Variants in SCGB2B2 observed in about 807,000 individuals in gnomAD.
SCGB2B2 encodes secretoglobin family 2B member 2.
Under a neutral mutation model 7.6 loss-of-function variants are expected in SCGB2B2, and 11 were observed. The observed-to-expected ratio is 1.45, with a 90% CI of 0.91 to 2.40. The LOEUF is 2.40. Ranked by LOEUF, SCGB2B2 falls within the 30% of genes most tolerant of loss-of-function variation. SCGB2B2 has a pLI of 0.00. For synonymous variants in SCGB2B2, 50 were observed against 48.6 expected, an observed-to-expected ratio of 1.03 and a Z score of -0.12; for missense variants, 104 against 115.4, an observed-to-expected ratio of 0.90 and a Z score of 0.45.
intron 1 of SCGB2B2, among the ~76,000 whole-genome samples, chr19:34,597,408 AG>A (rs1320848056): frequency 6.6e-6 from 1 of 151,806 alleles, no homozygotes; most frequent in African/African-American, 2.4e-5. Flanking sequence ...GCTGGAGGCC[AG>A]GGAAGTCACC....
rs554419625 is a variant in SCGB2B2 at position 34,607,024 on chromosome 19, A to G, written c.-2031-10430T>C. ...AGCTGAAACTCTGTACCCTTTGACC[A>G]ACAACTTCTCACTCATTCATCCCCC... On this transcript the variant is annotated intron_variant, in intron 1 of 3. Transcript: ENST00000601241. Among the ~76,000 whole-genome samples, 11 of 152,270 alleles carry G rather than the reference A, an allele frequency of 7.2e-5. No homozygotes were observed. The South Asian group carries it at 2.3e-3, about 32-fold the overall frequency.
At chr19:34,653,157 C>T (rs1387909655) in intron 1 of SCGB2B2, among the ~76,000 whole-genome samples, 1 of 151,150 alleles carries the variant, frequency 6.6e-6, no homozygotes, top group Non-Finnish European at 1.5e-5. Context: ...AAAAAAGCTG[C>T]TCTCATAGAA....
Position 34,594,339 on chromosome 19 carries a change from CG to C in SCGB2B2, c.81del (p.Ile27MetfsTer17), listed in dbSNP as rs2065382748. The C allele has an allele frequency of 5.0e-6, 8 of 1,613,912 alleles. No individual in the cohort carries two copies. Among genetic ancestry groups the C allele is most frequent in the African/African-American group, 1.3e-5 (1 of 74,912 alleles). On this transcript the variant is annotated frameshift_variant, in exon 3 of 4. Coordinates refer to ENST00000601241, the MANE Select transcript of SCGB2B2 (RefSeq NM_001025591.4). LOFTEE classifies it high-confidence loss of function. ...SVQLGDACLD[I>X]DKLLANVVFD... ...AACACAACATTCGCAAGCAGTTTAT[CG>C]ATATCCAGGCAGGCATCCCCTGTGG...
intron 1 of SCGB2B2, among the ~76,000 whole-genome samples, chr19:34,617,997 A>G (rs1190550731): frequency 6.6e-6 from 1 of 152,238 alleles, no homozygotes; most frequent in Non-Finnish European, 1.5e-5. Context: ...CGGCTCGTGC[A>G]CGGTGCGTGC....
rs558233493 is a variant in SCGB2B2, at chr19:34,591,611, G to T, written c.*1944C>A. Among the ~76,000 whole-genome samples, 1 of 152,314 alleles carries T rather than the reference G, an allele frequency of 6.6e-6. No individual in the cohort carries two copies. The highest frequency in any genetic ancestry group is 6.5e-5 in the Admixed American group (1 of 15,302). On this transcript the variant is annotated 3_prime_UTR_variant, in exon 4 of 4. Coordinates refer to ENST00000601241, the MANE Select transcript of SCGB2B2 (RefSeq NM_001025591.4). ...TTTCTGCAAGGTCCTGCGTGACCTG[G>T]CACTTGCCTCGTTTTCTGACGTGAC...
At chr19:34,603,234 T>G (rs1283691380) in intron 1 of SCGB2B2, among the ~76,000 whole-genome samples, 1 of 152,136 alleles carries the variant, frequency 6.6e-6, no homozygotes, top group African/African-American at 2.4e-5. Flanking sequence ...GTGAGAGATG[T>G]CCAGCAGCAG....
intron 1 of SCGB2B2, among the ~76,000 whole-genome samples, chr19:34,643,408 A>G (rs1176465279): frequency 6.6e-6 from 1 of 152,210 alleles, no homozygotes; most frequent in Non-Finnish European, 1.5e-5. Context: ...TAGACACTAC[A>G]GGCTGGGAAG....
chr19:34,632,400 C>G (rs28838630), intron 1 of SCGB2B2, among the ~76,000 whole-genome samples: 16 of 152,012 alleles, frequency 1.1e-4, no homozygotes, highest in African/African-American at 3.1e-4. Flanking sequence ...TATTAAGAAC[C>G]CTCAAAACTC....
Position 34,592,384 on chromosome 19 carries a change from G to A in SCGB2B2, c.*1171C>T, listed in dbSNP as rs2065319289. On this transcript the variant is annotated 3_prime_UTR_variant, in exon 4 of 4. Transcript: ENST00000601241. ...ATCCAGGCTGGTATTCCCATGGAAG[G>A]GGAGTGAGGCTGGAGGCAGGGAGAC... Among the ~76,000 whole-genome samples the A allele has an allele frequency of 3.3e-5, 5 of 150,118 alleles. No individual in the cohort carries two copies. The highest frequency in any genetic ancestry group is 2.0e-4 in the Admixed American group (3 of 14,862).
At chr19:34,649,813 T>C (rs2067117638) in intron 1 of SCGB2B2, among the ~76,000 whole-genome samples, 1 of 148,950 alleles carries the variant, frequency 6.7e-6, no homozygotes, top group African/African-American at 2.6e-5. Context: ...CTGATGCCCT[T>C]GGGACCTGAT....
intron 1 of SCGB2B2, among the ~76,000 whole-genome samples, chr19:34,668,009 T>C (rs796352556): frequency 6.6e-5 from 10 of 152,308 alleles, no homozygotes; most frequent in African/African-American, 2.4e-4. Context: ...CCCACATATG[T>C]AGTGAGAGGT....
intron 1 of SCGB2B2, among the ~76,000 whole-genome samples, chr19:34,636,287 G>A (rs537310907): frequency 1.4e-3 from 219 of 152,318 alleles, no homozygotes; most frequent in African/African-American, 5.0e-3. Context: ...CTCTTGGGGG[G>A]CTACGGGGGT....
intron 1 of SCGB2B2, among the ~76,000 whole-genome samples, chr19:34,620,203 A>G (rs1257175656): frequency 1.3e-5 from 2 of 151,974 alleles, no homozygotes; most frequent in Non-Finnish European, 2.9e-5. Context: ...ATTATAAATC[A>G]CTTTACTATA....
At chr19:34,658,877 C>A (rs1000217505) in intron 1 of SCGB2B2, among the ~76,000 whole-genome samples, 2 of 149,894 alleles carry the variant, frequency 1.3e-5, no homozygotes, top group Non-Finnish European at 3.0e-5. Flanking sequence ...AACATCCATG[C>A]GAAAATCCTC....
At chr19:34,602,358 G>A (rs1353524141) in intron 1 of SCGB2B2, among the ~76,000 whole-genome samples, 1 of 152,020 alleles carries the variant, frequency 6.6e-6, no homozygotes, top group African/African-American at 2.4e-5. Context: ...ATATTGTGTG[G>A]AACATTTTGT....
intron 1 of SCGB2B2, among the ~76,000 whole-genome samples, chr19:34,625,334 G>A (rs777376235): frequency 2.0e-5 from 3 of 152,194 alleles, no homozygotes; most frequent in African/African-American, 4.8e-5. Context: ...CATCTCATCC[G>A]GGAAGCACAA....
chr19:34,656,383 C>A (rs2067284266), intron 1 of SCGB2B2, among the ~76,000 whole-genome samples: 1 of 151,272 alleles, frequency 6.6e-6, no homozygotes, highest in Admixed American at 6.6e-5. Context: ...GTGGGCAGAT[C>A]ACTTGAGCCA....
rs1354417638 is a variant in SCGB2B2 at position 34,653,647 on chromosome 19, TAAAAG to T, written c.-2032+21978_-2032+21982del. Among the ~76,000 whole-genome samples the T allele has an allele frequency of 2.0e-5, 3 of 150,930 alleles. 1 individual carries two copies. Among genetic ancestry groups the T allele is most frequent in the African/African-American group, 7.4e-5 (3 of 40,408 alleles). On this transcript the variant is annotated intron_variant, in intron 1 of 3. Transcript: ENST00000601241. ...GACCAAGTAGACTTTATCCCTGAAA[TAAAAG>T]AATAGTTCAACACATGCCAATGAAT...
intron 1 of SCGB2B2, among the ~76,000 whole-genome samples, chr19:34,598,003 C>G (rs1441763939): frequency 2.0e-5 from 3 of 151,958 alleles, no homozygotes; most frequent in African/African-American, 7.3e-5. Flanking sequence ...GTCGGGGAGA[C>G]TGCTCCCACT....
Sources: gnomAD v4.1 joint callset for allele counts (sites outside exome capture counted in the v4.1 genomes callset) on GRCh38, gnomAD v4.1.1 for gene constraint, MANE v1.5 for transcripts, NCBI Gene and HGNC (gene_info 2026-07-23, HGNC 2026-07-21) for gene names.